OR1J2: variants seen among roughly 807,000 people sequenced by gnomAD.
The protein encoded by OR1J2 is olfactory receptor 1J2.
For missense variants in OR1J2, 304 were observed against 246.1 expected, an observed-to-expected ratio of 1.24 and a Z score of -1.57; for synonymous variants, 142 against 99.7, an observed-to-expected ratio of 1.42 and a Z score of -2.52.
At chr9:122,476,700 A>AT in the OR1J2 span, among the ~76,000 whole-genome samples, 22 of 151,552 alleles carry the variant, frequency 1.5e-4, no homozygotes, top group East Asian at 5.8e-4. Flanking sequence ...TTACTCAATA[A>AT]TTTTTTTTTC....
chr9:122,547,620 A>AGTCTGT, the OR1J2 span, among the ~76,000 whole-genome samples: 1 of 142,902 alleles, frequency 7.0e-6, no homozygotes, highest in Non-Finnish European at 1.5e-5. Flanking sequence ...GTAGTAGTTC[A>AGTCTGT]GTGTGTGTGT....
At chr9:122,537,166 A>G in the OR1J2 span, among the ~76,000 whole-genome samples, 1 of 152,214 alleles carries the variant, frequency 6.6e-6, no homozygotes, top group Non-Finnish European at 1.5e-5. Flanking sequence ...TTTCACATGA[A>G]AGGATCGTGA....
chr9:122,490,771 A>G, the OR1J2 span, among the ~76,000 whole-genome samples: 1 of 152,242 alleles, frequency 6.6e-6, no homozygotes, highest in Non-Finnish European at 1.5e-5. Context: ...TAAATCATGC[A>G]GGACCTTAGA....
chr9:122,518,888 C>T, the OR1J2 span, among the ~76,000 whole-genome samples: 8 of 152,332 alleles, frequency 5.3e-5, no homozygotes, highest in East Asian at 1.5e-3. Flanking sequence ...GTGAAGCTTT[C>T]TCTTTACTGA....
chr9:122,484,121 T>C, the OR1J2 span, among the ~76,000 whole-genome samples: 6 of 152,252 alleles, frequency 3.9e-5, no homozygotes, highest in South Asian at 1.2e-3. Flanking sequence ...ATTTCTATGT[T>C]TTCCCACCAG....
At chr9:122,571,351 T>C in the OR1J2 span, among the ~76,000 whole-genome samples, 2 of 151,730 alleles carry the variant, frequency 1.3e-5, no homozygotes, top group African/African-American at 4.8e-5. Flanking sequence ...GGAGATTGGG[T>C]GCATCCTGGC....
At chr9:122,465,509 A>G in the OR1J2 span, among the ~76,000 whole-genome samples, 1 of 152,278 alleles carries the variant, frequency 6.6e-6, no homozygotes, top group South Asian at 2.1e-4. Flanking sequence ...GCTATAGCAC[A>G]CCCAAACTAA....
chr9:122,537,685 T>C, the OR1J2 span, among the ~76,000 whole-genome samples: 2 of 152,240 alleles, frequency 1.3e-5, no homozygotes, highest in African/African-American at 2.4e-5. Flanking sequence ...CAGGATGTTT[T>C]TCCATTGGTT....
At chr9:122,470,984 G>T in the OR1J2 span, among the ~76,000 whole-genome samples, 2 of 152,188 alleles carry the variant, frequency 1.3e-5, no homozygotes, top group African/African-American at 2.4e-5. Flanking sequence ...GATTTTACAG[G>T]CTCATAGGAG....
chr9:122,533,605 A>C, the OR1J2 span, among the ~76,000 whole-genome samples: 1 of 151,988 alleles, frequency 6.6e-6, no homozygotes, highest in Non-Finnish European at 1.5e-5. Context: ...AAAGTGTCTC[A>C]GCCTAATAAG....
At chr9:122,571,569 A>C in the OR1J2 span, among the ~76,000 whole-genome samples, 1 of 141,366 alleles carries the variant, frequency 7.1e-6, no homozygotes, top group Non-Finnish European at 1.5e-5. Context: ...AAAAAAAATT[A>C]GCTGAGTGTG....
At chr9:122,579,907 G>A in the OR1J2 span, among the ~76,000 whole-genome samples, 691 of 152,206 alleles carry the variant, frequency 4.5e-3, 7 homozygotes, top group African/African-American at 0.016. Context: ...AAACTTAAGC[G>A]CAATAATAAT....
At chr9:122,491,784 G>A in the OR1J2 span, among the ~76,000 whole-genome samples, 1 of 152,132 alleles carries the variant, frequency 6.6e-6, no homozygotes, top group Non-Finnish European at 1.5e-5. Context: ...TGGTGGAAGA[G>A]TGGGAAGGAA....
chr9:122,517,873 C>A, the OR1J2 span, among the ~76,000 whole-genome samples: 1 of 152,132 alleles, frequency 6.6e-6, no homozygotes, highest in Non-Finnish European at 1.5e-5. Context: ...CTCTCACCCC[C>A]TCAAGCTCCC....
the OR1J2 span, among the ~76,000 whole-genome samples, chr9:122,544,577 T>A: frequency 3.3e-5 from 5 of 152,038 alleles, no homozygotes; most frequent in Admixed American, 1.3e-4. Flanking sequence ...TGTGCCACTA[T>A]GCCTGGCTAA....
the OR1J2 span, among the ~76,000 whole-genome samples, chr9:122,541,773 GT>G: frequency 4.6e-5 from 7 of 152,314 alleles, no homozygotes; most frequent in Middle Eastern, 6.8e-3. Context: ...AGATCACCCT[GT>G]GGTGAAACTC....
chr9:122,556,264 A>G, the OR1J2 span, among the ~76,000 whole-genome samples: 1 of 148,744 alleles, frequency 6.7e-6, no homozygotes, highest in Non-Finnish European at 1.5e-5. Context: ...GGAAAGGTGT[A>G]ATGTCTGTGT....
At chr9:122,467,803 T>G in the OR1J2 span, among the ~76,000 whole-genome samples, 1 of 152,158 alleles carries the variant, frequency 6.6e-6, no homozygotes, top group African/African-American at 2.4e-5. Context: ...TCTCTCTGAG[T>G]TATAAACCAT....
upstream of OR1J2, among the ~76,000 whole-genome samples, chr9:122,505,994 C>A (rs1828518720): frequency 1.3e-5 from 2 of 152,130 alleles, no homozygotes; most frequent in African/African-American, 4.8e-5. Flanking sequence ...CCTCTTTCTC[C>A]TTCTGTATTT....
Sources: allele counts gnomAD v4.1 joint callset (sites outside exome capture counted in the v4.1 genomes callset), GRCh38; gene constraint gnomAD v4.1.1; transcripts MANE v1.5; gene names NCBI Gene and HGNC (gene_info 2026-07-23, HGNC 2026-07-21).